COL7A1: variants seen among roughly 807,000 people sequenced by gnomAD.
COL7A1 encodes the protein collagen alpha-1(VII) chain.
Under a neutral mutation model 456.2 loss-of-function variants are expected in COL7A1, and 296 were observed. That is an observed-to-expected ratio of 0.65 (90% CI 0.59 to 0.71). COL7A1 has a LOEUF of 0.71. COL7A1 is among the 30% of genes least tolerant of loss of function. The pLI is 0.00. For synonymous variants in COL7A1, 1,464 were observed against 1,525.9 expected (o/e 0.96, Z 0.95); for missense variants, 3,441 against 4,017.2 (o/e 0.86, Z 3.88).
chr3:48,591,120 G>T lies in COL7A1; in HGVS notation c.1637-304C>A, dbSNP rs931796701. The stretch of plus-strand genomic sequence containing the variant: ...GAGCCATTGACAGACACTGATGTGG[G>T]ATGGCAGAGGTCAGTGCTGGATGGG... On this transcript the variant is annotated intron_variant, in intron 13 of 118. Coordinates refer to ENST00000681320, the MANE Select transcript of COL7A1 (RefSeq NM_000094.4). The surrounding 1 kb of genome is among the most constrained non-coding windows in gnomAD (Gnocchi z 7.0). Among the ~76,000 whole-genome samples the T allele has an allele frequency of 6.6e-5, 10 of 152,190 alleles. No individual in the cohort carries two copies. Among genetic ancestry groups the T allele is most frequent in the African/African-American group, 2.2e-4 (9 of 41,446 alleles).
Position 48,565,670 on chromosome 3 carries a change from T to A in COL7A1, c.8408-2A>T. ...ATGCGATGAACTGGCCCTGGCAGGC[T>A]AGAGGGGGCAGAGAGGGATAGAGAG... On this transcript the variant is annotated splice_acceptor_variant, in intron 114 of 118. Coordinates refer to ENST00000681320, the MANE Select transcript of COL7A1 (RefSeq NM_000094.4). LOFTEE classifies it high-confidence loss of function. This position sits in a 1 kb window ranked among gnomAD's most constrained non-coding sequence, Gnocchi z 4.5. 1.2e-6 allele frequency: 2 copies of A among 1,612,602 alleles called. No individual in the cohort carries two copies.
Position 48,570,291 on chromosome 3 carries a change from C to T in COL7A1, c.7424G>A (p.Gly2475Glu). The T allele has an allele frequency of 6.2e-7, 1 of 1,614,078 alleles. No individual in the cohort carries two copies. The highest frequency in any genetic ancestry group is 8.5e-7 in the Non-Finnish European group (1 of 1,179,978). The change falls in exon 98 of 119, where the codon GGG becomes GAG. Residue 2475 changes from glycine to glutamate, a missense_variant. By Grantham distance (98) the Gly-to-Glu change is moderately conservative. Coordinates refer to ENST00000681320, the MANE Select transcript of COL7A1 (RefSeq NM_000094.4). The surrounding 1 kb of genome is among the most constrained non-coding windows in gnomAD (Gnocchi z 5.5). ...CATACGTACCCGGATGCCTGGCTCC[C>T]CACGCTCGCCTCGGGGCCCAGGCAG... ...VGLPGPRGERGEPGIRGEDGR... is the reference protein window; with the variant it reads ...VGLPGPRGEREEPGIRGEDGR...
At position 48,567,850 on chromosome 3, in the gene COL7A1, C is replaced by T. The variant is rs1453731644; in HGVS notation, c.7917G>A (p.Glu2639=). The change falls in exon 107 of 119, where the codon GAG becomes GAA. Residue 2639 remains glutamate (E), a synonymous_variant. Coordinates refer to ENST00000681320, the MANE Select transcript of COL7A1 (RefSeq NM_000094.4). This position sits in a 1 kb window ranked among gnomAD's most constrained non-coding sequence, Gnocchi z 4.3. The stretch of plus-strand genomic sequence containing the variant: ...ATCCCCTCTGTACCTTGTCTCCCTT[C>T]TCTCCATCAAGGCCACAGGCTCCCT... ...GVKGACGLDG[E]KGDKGEAGPP... is the part of the protein sequence containing the mutation. 3 of 1,614,122 alleles carry T rather than the reference C, an allele frequency of 1.9e-6. No individual in the cohort carries two copies. In the South Asian group the frequency reaches 3.3e-5, roughly 18 times the overall value.
At chr3:48,577,191 A>G (rs1208491463) in intron 65 of COL7A1, among the ~76,000 whole-genome samples, 164 bp from the exon 66 acceptor site, 1 of 152,234 alleles carries the variant, frequency 6.6e-6, no homozygotes, top group African/African-American at 2.4e-5. Context: ...GAGCTGCTAC[A>G]TGTCTAAGGG....
Position 48,570,795 on chromosome 3 carries a change from G to A in COL7A1, c.7272+66C>T, listed in dbSNP as rs979090379. On this transcript the variant is annotated intron_variant, in intron 95 of 118. Coordinates refer to ENST00000681320, the MANE Select transcript of COL7A1 (RefSeq NM_000094.4). The surrounding 1 kb of genome is among the most constrained non-coding windows in gnomAD (Gnocchi z 5.5). ...CCCCCTCAAGACTGGGAACCCCCAA[G>A]GCAGGGCCCCCTCCTCACCCACCAT... 16 of 1,562,180 alleles carry A rather than the reference G, an allele frequency of 1.0e-5. No individual in the cohort carries two copies. The highest frequency in any genetic ancestry group is 1.2e-5 in the Non-Finnish European group (14 of 1,152,980).
At position 48,575,678 on chromosome 3, in the gene COL7A1, C is replaced by CCCTTGGGG; in HGVS notation, c.5926_5927insCCCCAAGG (p.Arg1976ProfsTer32). ...TGAGTCCCCCTTGGGGCCTCGACGCCGTTCGGGCACAGGCAGGAAGCTACC... is the reference window on the plus strand; with the variant it reads ...TGAGTCCCCCTTGGGGCCTCGACGCCCCTTGGGGGTTCGGGCACAGGCAGGAAGCTACC... On this transcript the variant is annotated frameshift_variant, in exon 73 of 119. Transcript: ENST00000681320. LOFTEE classifies it high-confidence loss of function. The surrounding 1 kb of genome is among the most constrained non-coding windows in gnomAD (Gnocchi z 6.3). 6.2e-7 allele frequency: 1 copy of CCCTTGGGG among 1,613,680 alleles called. No individual in the cohort carries two copies. The highest frequency in any genetic ancestry group is 8.5e-7 in the Non-Finnish European group (1 of 1,180,028).
chr3:48,574,559 A>G lies in COL7A1; in HGVS notation c.6394-9T>C, dbSNP rs374698863. 4.2e-5 allele frequency: 67 copies of G among 1,613,790 alleles called. No individual in the cohort carries two copies. Among genetic ancestry groups the G allele is most frequent in the Non-Finnish European group, 4.0e-5 (47 of 1,180,034 alleles). ...TTGATGCCTGGCACACCCTGAAGGC[A>G]GAGTGTCGTGCCCTGAGCCCCCAGT... is the stretch of plus-strand genomic sequence containing the variant. On this transcript the variant is annotated splice_polypyrimidine_tract_variant and intron_variant, in intron 78 of 118. Transcript: ENST00000681320. The surrounding 1 kb of genome is among the most constrained non-coding windows in gnomAD (Gnocchi z 5.0).
chr3:48,572,529 C>G lies in COL7A1; in HGVS notation c.6910G>C (p.Gly2304Arg). Residue 2304 changes from glycine (G) to arginine (R), a missense_variant, in exon 89 of 119, where the codon GGG (glycine) becomes CGG (arginine). Coordinates refer to ENST00000681320, the MANE Select transcript of COL7A1 (RefSeq NM_000094.4). The surrounding 1 kb of genome is among the most constrained non-coding windows in gnomAD (Gnocchi z 4.6). ...PTGAPGQAVV[G>R]LPGAKGEKGA... ...TTCTCTCCCTTTGCTCCAGGGAGCCCGACCACAGCCTGTGGGGAATGCTAG... is the reference window on the plus strand; with the variant it reads ...TTCTCTCCCTTTGCTCCAGGGAGCCGGACCACAGCCTGTGGGGAATGCTAG... The G allele has an allele frequency of 6.2e-7, 1 of 1,613,956 alleles. No homozygotes were observed. The highest frequency in any genetic ancestry group is 1.7e-5 in the Admixed American group (1 of 60,016).
rs1225995270 is a variant in COL7A1, at chr3:48,568,589, C to T, written c.7759-55G>A. ...CAGTGGGACTGTCCCCAACACTGGC[C>T]CATCCGCTGCATGTGTGGCCACTCA... On this transcript the variant is annotated intron_variant, in intron 104 of 118. Coordinates refer to ENST00000681320, the MANE Select transcript of COL7A1 (RefSeq NM_000094.4). The surrounding 1 kb of genome is among the most constrained non-coding windows in gnomAD (Gnocchi z 5.2). The T allele has an allele frequency of 3.2e-6, 5 of 1,572,288 alleles. No individual in the cohort carries two copies. The highest frequency in any genetic ancestry group is 1.3e-5 in the African/African-American group (1 of 74,126).
Position 48,564,639 on chromosome 3 carries a change from G to A in COL7A1, c.8818+144C>T, listed in dbSNP as rs1017797133. The A allele has an allele frequency of 2.8e-6, 3 of 1,089,072 alleles. No homozygotes were observed. Among genetic ancestry groups the A allele is most frequent in the African/African-American group, 3.2e-5 (2 of 63,218 alleles). 67.5% of individuals were successfully genotyped at this position (1,089,072 alleles called of 1,614,324 possible). On this transcript the variant is annotated intron_variant, in intron 118 of 118. Coordinates refer to ENST00000681320, the MANE Select transcript of COL7A1 (RefSeq NM_000094.4). The surrounding 1 kb of genome is among the most constrained non-coding windows in gnomAD (Gnocchi z 6.0). ...GGCTCTATATTCAGCTCTTTGGTCT[G>A]GGCGTCTGCCCCAGGTCCCCTACTG...
intron 44 of COL7A1, 143 bp from the exon 45 acceptor site, chr3:48,582,796 A>ACAGAGAC: frequency 1.8e-6 from 2 of 1,140,566 alleles, no homozygotes; most frequent in Non-Finnish European, 2.6e-6. Context: ...TGGCAGGAGA[A>ACAGAGAC]CAGAGACCAG....
Position 48,578,605 on chromosome 3 carries a change from C to T in COL7A1, c.5425-90G>A. 5.6e-6 allele frequency: 8 copies of T among 1,436,866 alleles called. No homozygotes were observed. Among genetic ancestry groups the T allele is most frequent in the South Asian group, 1.2e-5 (1 of 85,558 alleles). The allele number at this position is 1,436,866 out of a possible 1,614,324, so 89.0% of individuals were successfully genotyped here. A position where few individuals can be genotyped will look rare whatever the true frequency, so the allele number is the denominator to read the frequency against. On this transcript the variant is annotated intron_variant, in intron 63 of 118. Coordinates refer to ENST00000681320, the MANE Select transcript of COL7A1 (RefSeq NM_000094.4). This position sits in a 1 kb window ranked among gnomAD's most constrained non-coding sequence, Gnocchi z 4.7. Reference sequence around the variant, plus strand: ...ACTAAGAGGACCCCAAAAAGATCTCCCTCCAGGGTAGAGACCCCCAGGACT... The same window carrying T: ...ACTAAGAGGACCCCAAAAAGATCTCTCTCCAGGGTAGAGACCCCCAGGACT...
rs1391386241 is a variant in COL7A1, at chr3:48,578,929, G to A, written c.5414C>T (p.Pro1805Leu). The A allele has an allele frequency of 6.2e-7, 1 of 1,613,930 alleles. No individual in the cohort carries two copies. Among genetic ancestry groups the A allele is most frequent in the East Asian group, 2.2e-5 (1 of 44,882 alleles). The change falls in exon 63 of 119, where the codon CCA becomes CTA. Residue 1805 changes from proline (P) to leucine (L), a missense_variant. Pro to Leu is a moderately conservative substitution (Grantham distance 98, BLOSUM62 -3). This residue lies in a region of COL7A1 where 2,084 missense variants were observed against 2,501.3 expected (regional missense o/e 0.83). Coordinates refer to ENST00000681320, the MANE Select transcript of COL7A1 (RefSeq NM_000094.4). This position sits in a 1 kb window ranked among gnomAD's most constrained non-coding sequence, Gnocchi z 4.7. ...PNGAAGKAGD[P>L]GRDGLPGLRG... is the part of the protein sequence containing the mutation. Reference sequence around the variant, plus strand: ...TCTCCCCTCACTTACGTCTCTCCCTGGGTCCCCAGCTTTGCCTGCAGCACC... The same window carrying A: ...TCTCCCCTCACTTACGTCTCTCCCTAGGTCCCCAGCTTTGCCTGCAGCACC...
At position 48,587,415 on chromosome 3, in the gene COL7A1, C is replaced by A; in HGVS notation, c.2992+5G>T. On this transcript the variant is annotated splice_donor_5th_base_variant and intron_variant, in intron 23 of 118. Coordinates refer to ENST00000681320, the MANE Select transcript of COL7A1 (RefSeq NM_000094.4). This position sits in a 1 kb window ranked among gnomAD's most constrained non-coding sequence, Gnocchi z 6.1. ...AGCCCACCCAAATCCTGGCCTCCCC[C>A]TCACCCTGGCCAGGGCCTCTGAGTG... The A allele has an allele frequency of 6.2e-7, 1 of 1,613,246 alleles. No individual in the cohort carries two copies. Among genetic ancestry groups the A allele is most frequent in the East Asian group, 2.2e-5 (1 of 44,880 alleles).
In COL7A1 at chr3:48,588,513, C is replaced by T. The variant is rs2045454468; in HGVS notation, c.2588-109G>A. 4 of 1,599,714 alleles carry T rather than the reference C, an allele frequency of 2.5e-6. No homozygotes were observed. The East Asian group carries it at 6.7e-5, about 27-fold the overall frequency. On this transcript the variant is annotated intron_variant, in intron 20 of 118. Coordinates refer to ENST00000681320, the MANE Select transcript of COL7A1 (RefSeq NM_000094.4). The surrounding 1 kb of genome is among the most constrained non-coding windows in gnomAD (Gnocchi z 4.6). ...CGCCCAGCCTCTCAGACCCCTCTCC[C>T]TCCTCTCAGACCCTGCCCCCAAAGG...
chr3:48,575,302 C>A lies in COL7A1; in HGVS notation c.6180+37G>T. 1.2e-6 allele frequency: 2 copies of A among 1,613,430 alleles called. No individual in the cohort carries two copies. The highest frequency in any genetic ancestry group is 1.7e-6 in the Non-Finnish European group (2 of 1,179,604). On this transcript the variant is annotated intron_variant, in intron 74 of 118. Coordinates refer to ENST00000681320, the MANE Select transcript of COL7A1 (RefSeq NM_000094.4). The surrounding 1 kb of genome is among the most constrained non-coding windows in gnomAD (Gnocchi z 6.3). ...TGGGGGGTCCCACCCCTCCCAACCC[C>A]TCTTCCCTCACTCTCCTGGCCAGCC...
Position 48,581,649 on chromosome 3 carries a change from A to G in COL7A1, c.4723-17T>C. On this transcript the variant is annotated splice_polypyrimidine_tract_variant and intron_variant, in intron 49 of 118. Coordinates refer to ENST00000681320, the MANE Select transcript of COL7A1 (RefSeq NM_000094.4). The surrounding 1 kb of genome is among the most constrained non-coding windows in gnomAD (Gnocchi z 5.8). ...GGGTGGGCCCTGTGGATGGAAGGAT[A>G]AGAAGTCAGGAAGACAACCTTCACC... The G allele has an allele frequency of 6.2e-7, 1 of 1,614,160 alleles. No individual in the cohort carries two copies. The highest frequency in any genetic ancestry group is 2.2e-5 in the East Asian group (1 of 44,884).
At position 48,594,957 on chromosome 3, in the gene COL7A1, G is replaced by T; in HGVS notation, c.85+118C>A. 1.2e-6 allele frequency: 1 copy of T among 848,410 alleles called. No homozygotes were observed. Among genetic ancestry groups the T allele is most frequent in the Non-Finnish European group, 1.9e-6 (1 of 535,556 alleles). 52.6% of individuals were successfully genotyped at this position (848,410 alleles called of 1,614,324 possible). A position where few individuals can be genotyped will look rare whatever the true frequency, so the allele number is the denominator to read the frequency against. ...GGAGTCCCAGAATTAGGAGGAATCCGCGGGGCGTCGTGGAGTTGGCTGGGT... is the reference window on the plus strand; with the variant it reads ...GGAGTCCCAGAATTAGGAGGAATCCTCGGGGCGTCGTGGAGTTGGCTGGGT... On this transcript the variant is annotated intron_variant, in intron 2 of 118. Transcript: ENST00000681320. This position sits in a 1 kb window ranked among gnomAD's most constrained non-coding sequence, Gnocchi z 5.5.
In COL7A1 at chr3:48,591,322, A is replaced by G. The variant is rs1341023045; in HGVS notation, c.1636+142T>C. 1 of 1,205,486 alleles carries G rather than the reference A, an allele frequency of 8.3e-7. No individual in the cohort carries two copies. Among genetic ancestry groups the G allele is most frequent in the Non-Finnish European group, 1.2e-6 (1 of 860,200 alleles). 74.7% of individuals were successfully genotyped at this position (1,205,486 alleles called of 1,614,324 possible). A position where few individuals can be genotyped will look rare whatever the true frequency, so the allele number is the denominator to read the frequency against. ...TGTTGACAGTTCAGGGCTCAGTGCC[A>G]TCTTGGGAAGCAGATGGATAACGAG... On this transcript the variant is annotated intron_variant, in intron 13 of 118. Transcript: ENST00000681320. This position sits in a 1 kb window ranked among gnomAD's most constrained non-coding sequence, Gnocchi z 7.0.
Sources: allele counts gnomAD v4.1 joint callset (sites outside exome capture counted in the v4.1 genomes callset), GRCh38; gene constraint gnomAD v4.1.1; regional missense constraint gnomAD v4.1.1; non-coding constraint Gnocchi (gnomAD v3.1); transcripts MANE v1.5; gene names NCBI Gene and HGNC (gene_info 2026-07-23, HGNC 2026-07-21).